Variants in CSMD1 observed in about 807,000 individuals in gnomAD.
CSMD1 encodes the protein CUB and Sushi multiple domains 1, also known as CUB and sushi domain-containing protein 1.
Under a neutral mutation model 417.5 loss-of-function variants are expected in CSMD1, and 213 were observed. The ratio of observed to expected loss-of-function variants is 0.51; its 90% CI spans 0.46 to 0.57. CSMD1 has a LOEUF of 0.57. CSMD1 is among the 20% of genes least tolerant of loss of function. The pLI is 0.00. For synonymous variants in CSMD1, 2,862 were observed against 1,736.8 expected (o/e 1.65, Z -16.11); for missense variants, 6,923 against 4,529.7 (o/e 1.53, Z -15.17).
chr8:4,291,896 T>A (rs1345804010), intron 3 of CSMD1, among the ~76,000 whole-genome samples: 3 of 152,186 alleles, frequency 2.0e-5, no homozygotes, highest in African/African-American at 7.2e-5. Flanking sequence ...AATTTGTTTT[T>A]CACATCAAGC....
At chr8:4,772,290 G>A (rs202180647) in intron 1 of CSMD1, among the ~76,000 whole-genome samples, 2 of 152,116 alleles carry the variant, frequency 1.3e-5, no homozygotes, top group East Asian at 1.9e-4. Context: ...TCCTTTACAC[G>A]TCAAATCTCT....
chr8:3,895,880 C>T (rs73172300), intron 5 of CSMD1, among the ~76,000 whole-genome samples: 3,593 of 152,274 alleles, frequency 0.024, 56 homozygotes, highest in Middle Eastern at 0.058. Context: ...GTCAGGTTAA[C>T]CTCATCCCCT....
chr8:3,609,174 A>G (rs1026009421), intron 8 of CSMD1, among the ~76,000 whole-genome samples: 2 of 152,222 alleles, frequency 1.3e-5, no homozygotes, highest in African/African-American at 4.8e-5. Flanking sequence ...CAACGCTTCT[A>G]CTTATAAACA....
chr8:3,782,118 G>A (rs1445014691), intron 5 of CSMD1, among the ~76,000 whole-genome samples: 1 of 152,040 alleles, frequency 6.6e-6, no homozygotes, highest in South Asian at 2.1e-4. Context: ...AAGAATGTAG[G>A]GGTCATATAA....
chr8:4,930,727 T>G (rs759235016), intron 1 of CSMD1, among the ~76,000 whole-genome samples: 1 of 152,208 alleles, frequency 6.6e-6, no homozygotes, highest in Non-Finnish European at 1.5e-5. Flanking sequence ...TAATTGTTAC[T>G]TTTAGATACA....
chr8:3,848,950 T>G (rs1803693874), intron 5 of CSMD1, among the ~76,000 whole-genome samples: 1 of 151,088 alleles, frequency 6.6e-6, no homozygotes, highest in Non-Finnish European at 1.5e-5. Flanking sequence ...TATATATATG[T>G]ATATACTATT....
rs145506922 is a variant in CSMD1, at chr8:3,880,790, C to G, written c.818+117113G>C. Among the ~76,000 whole-genome samples the G allele has an allele frequency of 2.6e-5, 4 of 152,236 alleles. No homozygotes were observed. The East Asian group carries it at 5.8e-4, about 22-fold the overall frequency. On this transcript the variant is annotated intron_variant, in intron 5 of 69. Coordinates refer to ENST00000635120, the MANE Select transcript of CSMD1 (RefSeq NM_033225.6). ...TGTCTCACGAAAAACAATGTATTTT[C>G]TTTTAGATGGTTGGTTATAAAGATA... is the stretch of plus-strand genomic sequence containing the variant.
intron 54 of CSMD1, among the ~76,000 whole-genome samples, chr8:2,987,622 A>G (rs1014510464): frequency 2.0e-5 from 3 of 152,218 alleles, no homozygotes; most frequent in Non-Finnish European, 4.4e-5. Flanking sequence ...ATTATGAGAA[A>G]TGAACACATG....
intron 3 of CSMD1, among the ~76,000 whole-genome samples, chr8:4,078,116 G>A (rs1003271618): frequency 6.6e-6 from 1 of 151,998 alleles, no homozygotes; most frequent in Admixed American, 6.6e-5. Context: ...TAATTTACAT[G>A]GAAAGTGCTA....
rs74569596 is a variant in CSMD1 at position 4,446,936 on chromosome 8, T to TAAA, written c.303-26874_303-26872dup. On this transcript the variant is annotated intron_variant, in intron 2 of 69. Coordinates refer to ENST00000635120, the MANE Select transcript of CSMD1 (RefSeq NM_033225.6). Reference sequence around the variant, plus strand: ...GCGCCTGGCAGAGACCGTGTTTATTTAAAAAAAAAAAAAACATTGGCCCTA... The same window carrying TAAA: ...GCGCCTGGCAGAGACCGTGTTTATTTAAAAAAAAAAAAAAAAACATTGGCCCTA... Among the ~76,000 whole-genome samples the TAAA allele has an allele frequency of 6.7e-3, 948 of 141,910 alleles. 16 individuals carry two copies. The highest frequency in any genetic ancestry group is 0.024 in the African/African-American group (913 of 38,798). 93.1% of individuals were successfully genotyped at this position (141,910 alleles called of 152,430 possible).
At chr8:4,672,162 G>T (rs1285066738) in intron 1 of CSMD1, among the ~76,000 whole-genome samples, 1 of 152,178 alleles carries the variant, frequency 6.6e-6, no homozygotes, top group Admixed American at 6.5e-5. Flanking sequence ...AATACCTGCT[G>T]GCTTCCATTT....
intron 5 of CSMD1, among the ~76,000 whole-genome samples, chr8:3,910,941 C>G (rs1297294165): frequency 6.6e-6 from 1 of 152,206 alleles, no homozygotes; most frequent in African/African-American, 2.4e-5. Context: ...CTTGATTGAT[C>G]ACGACCAGGA....
intron 3 of CSMD1, among the ~76,000 whole-genome samples, chr8:4,114,909 G>C (rs946737451): frequency 5.3e-5 from 8 of 152,100 alleles, no homozygotes; most frequent in Non-Finnish European, 7.4e-5. Flanking sequence ...AGATAAGATA[G>C]GAAAATAGTA....
At chr8:4,206,208 T>A (rs1053023816) in intron 3 of CSMD1, among the ~76,000 whole-genome samples, 26 of 152,198 alleles carry the variant, frequency 1.7e-4, no homozygotes, top group African/African-American at 5.5e-4. Context: ...TTTCTTTTTT[T>A]AAATACTTTA....
chr8:4,191,220 C>T (rs1459123222), intron 3 of CSMD1, among the ~76,000 whole-genome samples: 2 of 152,078 alleles, frequency 1.3e-5, no homozygotes, highest in Non-Finnish European at 2.9e-5. Flanking sequence ...CATGGTGAAA[C>T]CCCATCTGTA....
intron 3 of CSMD1, among the ~76,000 whole-genome samples, chr8:4,047,149 G>A (rs3843921): frequency 3.5e-4 from 53 of 152,100 alleles, no homozygotes; most frequent in African/African-American, 1.3e-3. Flanking sequence ...AGCCTGCAAC[G>A]GTTCCGTGAG....
chr8:3,838,621 A>G (rs1370902514), intron 5 of CSMD1, among the ~76,000 whole-genome samples: 2 of 137,392 alleles, frequency 1.5e-5, no homozygotes, highest in African/African-American at 2.7e-5. Context: ...TATAATAAAT[A>G]AATTAATATA....
At chr8:3,869,333 G>T (rs1201558641) in intron 5 of CSMD1, among the ~76,000 whole-genome samples, 1 of 152,002 alleles carries the variant, frequency 6.6e-6, no homozygotes, top group African/African-American at 2.4e-5. Flanking sequence ...TATCACCTGT[G>T]GCTATACTAT....
chr8:4,958,178 G>C (rs1809247004), intron 1 of CSMD1, among the ~76,000 whole-genome samples: 1 of 152,026 alleles, frequency 6.6e-6, no homozygotes, highest in Non-Finnish European at 1.5e-5. Context: ...CGATCAATTT[G>C]TGTTTAACAT....
Sources: gnomAD v4.1 joint callset for allele counts (sites outside exome capture counted in the v4.1 genomes callset) on GRCh38, gnomAD v4.1.1 for gene constraint, MANE v1.5 for transcripts, NCBI Gene and HGNC (gene_info 2026-07-23, HGNC 2026-07-21) for gene names.